LAMC2: variants seen among roughly 807,000 people sequenced by gnomAD.
LAMC2 encodes laminin subunit gamma 2, also known as laminin subunit gamma-2.
A neutral mutation model predicts 140.2 loss-of-function variants in LAMC2; 97 were observed. That is an observed-to-expected ratio of 0.69 (90% CI 0.59 to 0.82). The LOEUF is 0.82. Ranked by LOEUF, LAMC2 falls within the 40% of genes least tolerant of loss-of-function variation. The pLI is 0.00. For synonymous variants in LAMC2, 513 were observed against 540.2 expected, an observed-to-expected ratio of 0.95 and a Z score of 0.70; for missense variants, 1,402 against 1,476.1, an observed-to-expected ratio of 0.95 and a Z score of 0.82.
In LAMC2 at chr1:183,243,515, T is replaced by C; in HGVS notation, c.*115T>C. ...ATTTGAACATGTTTAATGGGTATGCTCAGGTCAACTGACCTGACCCCATTC... is the reference window on the plus strand; with the variant it reads ...ATTTGAACATGTTTAATGGGTATGCCCAGGTCAACTGACCTGACCCCATTC... On this transcript the variant is annotated 3_prime_UTR_variant, in exon 23 of 23. Transcript: ENST00000264144. The C allele has an allele frequency of 7.6e-7, 1 of 1,318,932 alleles. No individual in the cohort carries two copies. The highest frequency in any genetic ancestry group is 1.1e-6 in the Non-Finnish European group (1 of 920,578). The allele number at this position is 1,318,932 out of a possible 1,614,324, so 81.7% of individuals were successfully genotyped here.
intron 1 of LAMC2, among the ~76,000 whole-genome samples, chr1:183,192,591 C>T (rs554048610): frequency 1.8e-4 from 27 of 152,294 alleles, no homozygotes; most frequent in African/African-American, 6.0e-4. Context: ...CAGCATGTTT[C>T]ATCCTTTTAT....
chr1:183,191,764 C>T (rs1658342419), intron 1 of LAMC2, among the ~76,000 whole-genome samples: 1 of 151,908 alleles, frequency 6.6e-6, no homozygotes, highest in South Asian at 2.1e-4. Context: ...GAGGCTGAGG[C>T]AGGGGGACTG....
chr1:183,234,221 T>G (rs115849552), intron 14 of LAMC2, 146 bp from the exon 15 acceptor site: 1 of 714,246 alleles, frequency 1.4e-6, no homozygotes, highest in African/African-American at 1.7e-5. Flanking sequence ...TAATGGTGAA[T>G]AGAGGCATGG....
At chr1:183,193,420 T>C (rs1219475133) in intron 1 of LAMC2, among the ~76,000 whole-genome samples, 1 of 152,252 alleles carries the variant, frequency 6.6e-6, no homozygotes, top group Non-Finnish European at 1.5e-5. Context: ...AGATTATTTC[T>C]GTCTCCCTGC....
At chr1:183,218,523 A>G (rs1659354971) in intron 4 of LAMC2, 35 bp downstream of exon 4, 4 of 1,484,532 alleles carry the variant, frequency 2.7e-6, no homozygotes, top group Non-Finnish European at 3.7e-6. Context: ...AACAGCAGAG[A>G]GAGTCCCTTG....
At position 183,243,855 on chromosome 1, in the gene LAMC2, T is replaced by A. The variant is rs1660188735; in HGVS notation, c.*455T>A. On this transcript the variant is annotated 3_prime_UTR_variant, in exon 23 of 23. Transcript: ENST00000264144. ...AGAACAGAGTGCAACCCAGTCACAC[T>A]GTGGCCAGTAAAATACTATTGCCTC... 4.2e-6 allele frequency: 1 copy of A among 237,178 alleles called. No homozygotes were observed. The highest frequency in any genetic ancestry group is 8.4e-6 in the Non-Finnish European group (1 of 119,260). 14.7% of individuals were successfully genotyped at this position (237,178 alleles called of 1,614,324 possible).
downstream of LAMC2, among the ~76,000 whole-genome samples, chr1:183,245,848 G>A (rs1177800175): frequency 2.0e-5 from 3 of 152,154 alleles, no homozygotes; most frequent in East Asian, 5.8e-4. Flanking sequence ...AATCATATAA[G>A]GATTCTTCAA....
At chr1:183,236,922 A>G (rs923279013) in intron 17 of LAMC2, among the ~76,000 whole-genome samples, 2 of 152,190 alleles carry the variant, frequency 1.3e-5, no homozygotes, top group South Asian at 2.1e-4. Context: ...AGTCCAACCT[A>G]TAGTATATCT....
chr1:183,246,594 A>T (rs1660247832), downstream of LAMC2, among the ~76,000 whole-genome samples: 1 of 152,222 alleles, frequency 6.6e-6, no homozygotes, highest in Non-Finnish European at 1.5e-5. Context: ...ATAACTTCTT[A>T]GCAGATGTAT....
chr1:183,227,210 G>T (rs1406062824), intron 9 of LAMC2, among the ~76,000 whole-genome samples: 1 of 152,202 alleles, frequency 6.6e-6, no homozygotes, highest in Non-Finnish European at 1.5e-5. Flanking sequence ...TCAAAGACAA[G>T]TCCGGGTCTA....
chr1:183,191,050 G>C (rs1240701308), intron 1 of LAMC2, among the ~76,000 whole-genome samples: 1 of 152,054 alleles, frequency 6.6e-6, no homozygotes, highest in Non-Finnish European at 1.5e-5. Flanking sequence ...TAGACAGCTG[G>C]GCCCCTTTCT....
chr1:183,234,150 G>C (rs968943350), intron 14 of LAMC2, among the ~76,000 whole-genome samples: 5 of 152,080 alleles, frequency 3.3e-5, no homozygotes, highest in Non-Finnish European at 7.4e-5. Context: ...GCCTCCCAAA[G>C]TGCTGGGATT....
At chr1:183,207,677 C>T (rs1408005768) in intron 1 of LAMC2, among the ~76,000 whole-genome samples, 1 of 152,174 alleles carries the variant, frequency 6.6e-6, no homozygotes, top group Non-Finnish European at 1.5e-5. Flanking sequence ...TTGCATAGTG[C>T]CTACTTCCTT....
At chr1:183,231,445 G>C (rs1659797867) in intron 12 of LAMC2, among the ~76,000 whole-genome samples, 1 of 152,138 alleles carries the variant, frequency 6.6e-6, no homozygotes, top group African/African-American at 2.4e-5. Flanking sequence ...AAAGTGATAT[G>C]GGTAGGTGGA....
chr1:183,235,498 G>A, intron 15 of LAMC2, 77 bp from the exon 16 acceptor site: 3 of 1,520,910 alleles, frequency 2.0e-6, no homozygotes, highest in Non-Finnish European at 9.1e-7. Flanking sequence ...CGTACTCTTT[G>A]CCCTTCGTGT....
At chr1:183,235,838 T>C (rs1659945499) in intron 16 of LAMC2, 108 bp downstream of exon 16, 11 of 1,116,082 alleles carry the variant, frequency 9.9e-6, no homozygotes, top group Admixed American at 2.0e-5. Flanking sequence ...AACATATTAT[T>C]AATGATAATA....
At chr1:183,251,073 C>T in the LAMC2 span, 1 of 152,154 alleles carries the variant, frequency 6.6e-6, no homozygotes, top group African/African-American at 2.4e-5. Context: ...GCATGAGACC[C>T]TAGTAACCAG....
chr1:183,240,655 A>G (rs1660110428), intron 22 of LAMC2: 1 of 1,377,362 alleles, frequency 7.3e-7, no homozygotes, highest in Admixed American at 3.0e-5. Flanking sequence ...GGTGTATATA[A>G]GCAACTTCAC....
At chr1:183,219,034 G>A (rs1431678719) in intron 4 of LAMC2, among the ~76,000 whole-genome samples, 8 of 152,218 alleles carry the variant, frequency 5.3e-5, no homozygotes, top group Non-Finnish European at 8.8e-5. Context: ...AAGCCACACT[G>A]GAGGAGGTGG....
Sources: gnomAD v4.1 joint callset for allele counts (sites outside exome capture counted in the v4.1 genomes callset) on GRCh38, gnomAD v4.1.1 for gene constraint, MANE v1.5 for transcripts, NCBI Gene and HGNC (gene_info 2026-07-23, HGNC 2026-07-21) for gene names.